Variants in C11orf21 observed in about 807,000 individuals in gnomAD.
C11orf21 encodes the protein chromosome 11 open reading frame 21.
A neutral mutation model predicts 15.2 loss-of-function variants in C11orf21; 19 were observed. The ratio of observed to expected loss-of-function variants is 1.25; its 90% CI spans 0.87 to 1.84. The LOEUF (loss-of-function observed/expected upper bound fraction) is 1.84, where lower values mean the gene tolerates loss of function less well. Ranked by LOEUF, C11orf21 falls within the 40% of genes most tolerant of loss-of-function variation. The pLI is 0.00. For synonymous variants in C11orf21, 62 were observed against 66.8 expected, an observed-to-expected ratio of 0.93 and a Z score of 0.35; for missense variants, 171 against 174.4, an observed-to-expected ratio of 0.98 and a Z score of 0.11.
At chr11:2,302,710 G>T, upstream of C11orf21, 1 of 711,482 alleles carries the variant, frequency 1.4e-6, no homozygotes, top group South Asian at 1.8e-5. Flanking sequence ...GGAAACACCG[G>T]GAATCCCTGC....
Position 2,299,427 on chromosome 11 carries a change from C to T in C11orf21, c.*28+1G>A. On this transcript the variant is annotated splice_donor_variant, in intron 3 of 3. Coordinates refer to ENST00000381153, the MANE Select transcript of C11orf21 (RefSeq NM_001329958.2). LOFTEE classifies it low-confidence loss of function (3UTR_SPLICE). Reference sequence around the variant, plus strand: ...TCCAGCCTCAGAGCCCGGCTGCTCACCTCTGATGGACAGAAAAGGGTCCCT... The same window carrying T: ...TCCAGCCTCAGAGCCCGGCTGCTCATCTCTGATGGACAGAAAAGGGTCCCT... 1 of 1,548,634 alleles carries T rather than the reference C, an allele frequency of 6.5e-7. No individual in the cohort carries two copies. The highest frequency in any genetic ancestry group is 8.7e-7 in the Non-Finnish European group (1 of 1,146,094).
At chr11:2,298,164 C>T (rs1700685007) in intron 3 of C11orf21, among the ~76,000 whole-genome samples, 1 of 152,226 alleles carries the variant, frequency 6.6e-6, no homozygotes, top group African/African-American at 2.4e-5. Flanking sequence ...AGCCTTCTCT[C>T]ACCATATTCC....
intron 2 of C11orf21, among the ~76,000 whole-genome samples, chr11:2,300,146 T>G (rs868005441): frequency 2.8e-4 from 4 of 14,116 alleles, no homozygotes; most frequent in African/African-American, 2.8e-4. Context: ...CAGGGGTGTG[T>G]GGGGTGGGCA....
chr11:2,301,497 C>G, intron 1 of C11orf21: 1 of 423,252 alleles, frequency 2.4e-6, no homozygotes, highest in South Asian at 4.1e-5. Context: ...CTGGAGGCCC[C>G]ACGTGAGTGT....
Position 2,297,361 on chromosome 11 carries a change from A to G in C11orf21, c.*589T>C, listed in dbSNP as rs943926018. 1 of 152,340 alleles carries G rather than the reference A, an allele frequency of 6.6e-6. No individual in the cohort carries two copies. Among genetic ancestry groups the G allele is most frequent in the Non-Finnish European group, 1.5e-5 (1 of 68,090 alleles). The allele number at this position is 152,340 out of a possible 1,614,324, so 9.4% of individuals were successfully genotyped here. ...ATTCACTGCCTTCACTCCCAAGTCC[A>G]CAGAGGTGTCTCATCCAGGCGGGTG... On this transcript the variant is annotated 3_prime_UTR_variant, in exon 4 of 4. Coordinates refer to ENST00000381153, the MANE Select transcript of C11orf21 (RefSeq NM_001329958.2).
At position 2,295,763 on chromosome 11, in the gene C11orf21, G is replaced by C. The variant is rs532760809; in HGVS notation, c.*2187C>G. ...CCTGATCAATGACTAGGTCAATATT[G>C]GTTCATCAATTGCAAAGATGTATCA... On this transcript the variant is annotated 3_prime_UTR_variant, in exon 4 of 4. Coordinates refer to ENST00000381153, the MANE Select transcript of C11orf21 (RefSeq NM_001329958.2). The surrounding 1 kb of genome is among the most constrained non-coding windows in gnomAD (Gnocchi z 5.4). 8 of 152,210 alleles carry C rather than the reference G, an allele frequency of 5.3e-5. No individual in the cohort carries two copies. Among genetic ancestry groups the C allele is most frequent in the African/African-American group, 1.9e-4 (8 of 41,488 alleles). The allele number at this position is 152,210 out of a possible 1,614,324, so 9.4% of individuals were successfully genotyped here. A position where few individuals can be genotyped will look rare whatever the true frequency, so the allele number is the denominator to read the frequency against.
At chr11:2,299,812 ATGCACACACATCCACGTC>A (rs1847634594) in intron 2 of C11orf21, 105 bp from the exon 3 acceptor site, 10 of 1,359,550 alleles carry the variant, frequency 7.4e-6, no homozygotes, top group African/African-American at 2.9e-5. Flanking sequence ...ACACATATGC[ATGCACACACATCCACGTC>A]TGCACACGCA....
At chr11:2,302,195 G>C, upstream of C11orf21, 1 of 1,409,204 alleles carries the variant, frequency 7.1e-7, no homozygotes, top group South Asian at 1.8e-5. Flanking sequence ...CCAGATGCTG[G>C]TCACCTGCTT....
chr11:2,296,304 T>A lies in C11orf21; in HGVS notation c.*1646A>T, dbSNP rs1440975242. On this transcript the variant is annotated 3_prime_UTR_variant, in exon 4 of 4. Transcript: ENST00000381153. This position sits in a 1 kb window ranked among gnomAD's most constrained non-coding sequence, Gnocchi z 5.6. ...CAGGGAACAAATGTGGGGGCTCTGC[T>A]GGCTGCCACATACGTCTGTTTACTC... 6.6e-6 allele frequency: 1 copy of A among 152,166 alleles called. No individual in the cohort carries two copies. Among genetic ancestry groups the A allele is most frequent in the Non-Finnish European group, 1.5e-5 (1 of 68,052 alleles). 9.4% of individuals were successfully genotyped at this position (152,166 alleles called of 1,614,324 possible). A position where few individuals can be genotyped will look rare whatever the true frequency, so the allele number is the denominator to read the frequency against.
At chr11:2,298,750 G>A (rs985149581) in intron 3 of C11orf21, among the ~76,000 whole-genome samples, 2 of 152,172 alleles carry the variant, frequency 1.3e-5, no homozygotes, top group African/African-American at 2.4e-5. Context: ...GGATAGAGAC[G>A]CCTCCCCTAC....
At chr11:2,301,936 G>C (rs1261849113), upstream of C11orf21, 6 of 1,516,902 alleles carry the variant, frequency 4.0e-6, no homozygotes, top group Non-Finnish European at 4.4e-6. Context: ...CCAGGGTGAG[G>C]TGGTGGGGGG....
At chr11:2,299,749 G>A (rs1182675714) in intron 2 of C11orf21, 42 bp from the exon 3 acceptor site, 1 of 1,545,574 alleles carries the variant, frequency 6.5e-7, no homozygotes, top group African/African-American at 1.4e-5. Flanking sequence ...GCGCACCTGG[G>A]ACCCAGGAAT....
chr11:2,298,218 G>A (rs1247572371), intron 3 of C11orf21, among the ~76,000 whole-genome samples: 4 of 152,212 alleles, frequency 2.6e-5, no homozygotes, highest in Admixed American at 2.6e-4. Flanking sequence ...CCCCTCCCAA[G>A]GGTCCCTGCA....
intron 1 of C11orf21, chr11:2,300,864 C>T (rs1167789071): frequency 1.8e-6 from 2 of 1,136,936 alleles, no homozygotes; most frequent in Admixed American, 2.1e-5. Flanking sequence ...GCCCCTAGAC[C>T]TGGTACCTTC....
chr11:2,302,082 G>A (rs765354088), upstream of C11orf21: 5 of 1,490,470 alleles, frequency 3.4e-6, no homozygotes, highest in African/African-American at 7.1e-5. Flanking sequence ...TGCGGTCTGA[G>A]GCCCCTGCCC....
At chr11:2,301,651 A>G in intron 1 of C11orf21, 105 bp downstream of exon 1, 1 of 943,664 alleles carries the variant, frequency 1.1e-6, no homozygotes, top group South Asian at 1.7e-5. Context: ...TTTCCTAAGA[A>G]CACCTCAATA....
At chr11:2,301,512 G>A (rs1589788991) in intron 1 of C11orf21, 4 of 438,634 alleles carry the variant, frequency 9.1e-6, no homozygotes, top group Admixed American at 4.0e-5. Context: ...GAGTGTGAGC[G>A]AGGCCCCAGC....
chr11:2,302,211 T>C, upstream of C11orf21: 2 of 1,399,976 alleles, frequency 1.4e-6, no homozygotes, highest in Non-Finnish European at 1.9e-6. Context: ...TGCTTCTTTA[T>C]CTTGGTAACA....
intron 1 of C11orf21, chr11:2,301,163 T>G: frequency 3.8e-6 from 1 of 265,382 alleles, no homozygotes; most frequent in Non-Finnish European, 7.3e-6. Flanking sequence ...GGGCGGCAGC[T>G]GGGCCCTCTT....
Sources: gnomAD v4.1 joint callset for allele counts (sites outside exome capture counted in the v4.1 genomes callset) on GRCh38, gnomAD v4.1.1 for gene constraint, Gnocchi (gnomAD v3.1) non-coding constraint, MANE v1.5 for transcripts, NCBI Gene and HGNC (gene_info 2026-07-23, HGNC 2026-07-21) for gene names.